The following PDE4DIP variants were observed in gnomAD, a reference collection of about 807,000 sequenced individuals.
PDE4DIP encodes phosphodiesterase 4D interacting protein, also known as myomegalin.
PDE4DIP carries 59 observed loss-of-function variants against 221.4 expected under a neutral mutation model. The ratio of observed to expected loss-of-function variants is 0.27; its 90% CI spans 0.22 to 0.33. The LOEUF is 0.33. Ranked by LOEUF, PDE4DIP falls within the 10% of genes least tolerant of loss-of-function variation. The probability of loss-of-function intolerance (pLI) is 1.00; values close to 1 mark genes in which losing one functional copy is unlikely to be tolerated. For missense variants in PDE4DIP, 1,036 were observed against 2,154.2 expected (o/e 0.48, Z 10.28); for synonymous variants, 404 against 815.9 (o/e 0.50, Z 8.60).
intron 5 of PDE4DIP, among the ~76,000 whole-genome samples, chr1:148,947,055 C>T (rs1298652531): frequency 6.6e-6 from 1 of 152,280 alleles, no homozygotes; most frequent in African/African-American, 2.4e-5. Context: ...TAGCGTGCAC[C>T]TTTTCTCCCT....
rs1300987395 is a variant in PDE4DIP at position 148,978,296 on chromosome 1, G to T, written c.2455G>T (p.Val819Phe). 3 of 1,605,256 alleles carry T rather than the reference G, an allele frequency of 1.9e-6. No homozygotes were observed. In the African/African-American group the frequency reaches 4.0e-5, roughly 22 times the overall value. Residue 819 changes from valine to phenylalanine, a missense_variant, in exon 19 of 44, where the codon GTT becomes TTT. Coordinates refer to ENST00000369354, the Ensembl canonical transcript of PDE4DIP. ...CTTCTAGGACCTGCAAATGCAACTG[G>T]TTGATCCTGAAGACATACCAGCTAT... is the stretch of plus-strand genomic sequence containing the variant.
chr1:148,893,071 G>C (rs1553438698), intron 1 of PDE4DIP, among the ~76,000 whole-genome samples: 289 of 54,860 alleles, frequency 5.3e-3, no homozygotes, highest in African/African-American at 0.016. Context: ...GTGTCTGTGT[G>C]TGTGTGTGTG....
At chr1:148,953,557 G>T in intron 5 of PDE4DIP, 1 of 1,614,048 alleles carries the variant, frequency 6.2e-7, no homozygotes, top group Non-Finnish European at 8.5e-7. Context: ...AGAAAGATGA[G>T]GAGACTGAGA....
chr1:148,861,585 C>A (rs1199997941), intron 1 of PDE4DIP, among the ~76,000 whole-genome samples: 23 of 72,292 alleles, frequency 3.2e-4, no homozygotes, highest in African/African-American at 1.6e-3. Flanking sequence ...TTGTGGTGAG[C>A]CGAGATCGTG....
intron 5 of PDE4DIP, among the ~76,000 whole-genome samples, chr1:148,950,749 C>G (rs369433171): frequency 3.7e-4 from 56 of 151,490 alleles, no homozygotes; most frequent in Admixed American, 1.2e-3. Context: ...ATCTGCCCCC[C>G]CCACCGCCCC....
chr1:148,978,186 C>G (rs1284823573), intron 18 of PDE4DIP, 92 bp from the exon 22 acceptor site: 1 of 1,307,968 alleles, frequency 7.6e-7, no homozygotes, highest in African/African-American at 1.5e-5. Flanking sequence ...AAAGTATAGG[C>G]AGAATATTTC....
At chr1:149,023,657 T>C (rs1221350684) in intron 37 of PDE4DIP, among the ~76,000 whole-genome samples, 7 of 111,840 alleles carry the variant, frequency 6.3e-5, no homozygotes, top group African/African-American at 2.5e-4. Flanking sequence ...TATGTACATG[T>C]ATATGTGTGC....
chr1:148,989,810 A>G (rs1347026729), intron 21 of PDE4DIP, among the ~76,000 whole-genome samples: 1 of 152,234 alleles, frequency 6.6e-6, no homozygotes, highest in East Asian at 1.9e-4. Context: ...TTTCCAAAGT[A>G]AGCATAACAT....
At chr1:148,933,907 C>G (rs879966501) in intron 4 of PDE4DIP, among the ~76,000 whole-genome samples, 2 of 149,064 alleles carry the variant, frequency 1.3e-5, no homozygotes, top group Admixed American at 1.4e-4. Flanking sequence ...TCTTACCATA[C>G]AGCTGAGTAC....
At chr1:148,979,871 C>A (rs2060800549) in intron 20 of PDE4DIP, 22 bp downstream of exon 23, 1 of 1,605,984 alleles carries the variant, frequency 6.2e-7, no homozygotes, top group African/African-American at 1.3e-5. Context: ...GCTGTTTTTT[C>A]TTTTATTCTT....
At chr1:148,998,484 A>G in intron 23 of PDE4DIP, 109 bp downstream of exon 26, 1 of 580,736 alleles carries the variant, frequency 1.7e-6, no homozygotes. Context: ...TTCTTTAGAT[A>G]AAAGTAAGTA....
At chr1:148,825,996 T>C (rs1425250867) in intron 1 of PDE4DIP, among the ~76,000 whole-genome samples, 1 of 93,718 alleles carries the variant, frequency 1.1e-5, no homozygotes, top group Non-Finnish European at 2.2e-5. Context: ...TTCTAAAATA[T>C]TGCATTAAAA....
intron 14 of PDE4DIP, among the ~76,000 whole-genome samples, chr1:148,970,263 G>A (rs1553524487): frequency 1.4e-5 from 2 of 147,674 alleles, no homozygotes; most frequent in Admixed American, 1.4e-4. Flanking sequence ...TTTCTAGAAA[G>A]GTCCTGCTGT....
intron 4 of PDE4DIP, among the ~76,000 whole-genome samples, chr1:148,937,229 A>G (rs2049406329): frequency 6.6e-6 from 1 of 152,208 alleles, no homozygotes; most frequent in Non-Finnish European, 1.5e-5. Context: ...GTATGATGAC[A>G]TAATGTTGAC....
intron 38 of PDE4DIP, chr1:149,025,874 T>A (rs1278121432): frequency 7.9e-5 from 12 of 152,240 alleles, no homozygotes; most frequent in African/African-American, 2.6e-4. Flanking sequence ...AAAACACATG[T>A]GGTCCACCAA....
At position 148,891,948 on chromosome 1, in the gene PDE4DIP, G is replaced by A. The variant is rs1313907976; in HGVS notation, c.141+2054G>A. Among the ~76,000 whole-genome samples, 2 of 61,990 alleles carry A rather than the reference G, an allele frequency of 3.2e-5. 1 individual carries two copies. Among genetic ancestry groups the A allele is most frequent in the Non-Finnish European group, 5.6e-5 (2 of 35,604 alleles). 40.7% of individuals were successfully genotyped at this position (61,990 alleles called of 152,430 possible). ...GAGGGAGGAACTTTCCCCATTAACT[G>A]TCTTCAGGGCAAAGAAGGAAAGGAC... On this transcript the variant is annotated intron_variant, in intron 1 of 43. Transcript: ENST00000369354.
chr1:148,983,984 A>G (rs1157554012), intron 21 of PDE4DIP: 1 of 152,116 alleles, frequency 6.6e-6, no homozygotes, highest in Non-Finnish European at 1.5e-5. Flanking sequence ...TGTAGGTTTT[A>G]GAAGTATAGA....
At chr1:148,975,936 T>C (rs868949667) in intron 17 of PDE4DIP, among the ~76,000 whole-genome samples, 4 of 152,066 alleles carry the variant, frequency 2.6e-5, no homozygotes, top group African/African-American at 9.7e-5. Context: ...TTCATTGTCA[T>C]ATTTCTGCTT....
chr1:148,964,387 C>T (rs797041117), intron 9 of PDE4DIP, among the ~76,000 whole-genome samples: 63 of 152,162 alleles, frequency 4.1e-4, no homozygotes, highest in African/African-American at 1.3e-3. Context: ...AGATTACAGG[C>T]GTGAGCCACC....
Sources: gnomAD v4.1 joint callset for allele counts (sites outside exome capture counted in the v4.1 genomes callset) on GRCh38, gnomAD v4.1.1 for gene constraint, MANE v1.5 for transcripts, NCBI Gene and HGNC (gene_info 2026-07-23, HGNC 2026-07-21) for gene names.